Variants in BCAS3 observed in about 807,000 individuals in gnomAD.
BCAS3 encodes BCAS3 microtubule associated cell migration factor.
A neutral mutation model predicts 116.1 loss-of-function variants in BCAS3; 53 were observed. That is an observed-to-expected ratio of 0.46 (90% CI 0.37 to 0.57). The LOEUF is 0.57. Among genes scored for constraint, BCAS3 ranks in the 20% least tolerant of loss-of-function variants. The pLI is 0.00. For synonymous variants in BCAS3, 391 were observed against 408.2 expected (o/e 0.96, Z 0.51); for missense variants, 917 against 1,165.4 (o/e 0.79, Z 3.10).
At chr17:60,866,132 ATTT>A (rs1406930410) in intron 7 of BCAS3, among the ~76,000 whole-genome samples, 2 of 142,650 alleles carry the variant, frequency 1.4e-5, no homozygotes, top group Non-Finnish European at 1.5e-5. Context: ...TTATTTGCTA[ATTT>A]TTTTTTTTTT....
intron 5 of BCAS3, among the ~76,000 whole-genome samples, chr17:60,719,511 T>C (rs971955158): frequency 2.0e-5 from 3 of 152,254 alleles, no homozygotes; most frequent in African/African-American, 7.2e-5. Context: ...TATTATTTTA[T>C]TTCACACAAA....
rs2064859424 is a variant in BCAS3, at chr17:61,008,272, G to A, written c.1487-7479G>A. 6.6e-6 allele frequency among the ~76,000 whole-genome samples: 1 copy of A among 152,014 alleles called. No individual in the cohort carries two copies. The highest frequency in any genetic ancestry group is 6.6e-5 in the Admixed American group (1 of 15,242). On this transcript the variant is annotated intron_variant, in intron 15 of 23. Transcript: ENST00000407086. This position sits in a 1 kb window ranked among gnomAD's most constrained non-coding sequence, Gnocchi z 4.6. The stretch of plus-strand genomic sequence containing the variant: ...GGAGGGTGAAAGTCCTGGAACTGCA[G>A]CTGGGAAGCTTGACATTCTCATCTA...
At position 61,028,553 on chromosome 17, in the gene BCAS3, A is replaced by G. The variant is rs1416314591; in HGVS notation, c.1638-6113A>G. Among the ~76,000 whole-genome samples the G allele has an allele frequency of 1.3e-5, 2 of 151,928 alleles. No individual in the cohort carries two copies. Among genetic ancestry groups the G allele is most frequent in the Non-Finnish European group, 2.9e-5 (2 of 67,836 alleles). ...TAAGTACAAAGCAAAGAGTTGTAGT[A>G]TGTTAATAAAGATTGAAGTTTTGCA... On this transcript the variant is annotated intron_variant, in intron 16 of 23. Transcript: ENST00000407086. This position sits in a 1 kb window ranked among gnomAD's most constrained non-coding sequence, Gnocchi z 4.3.
intron 22 of BCAS3, among the ~76,000 whole-genome samples, chr17:61,149,378 GT>G (rs2077420697): frequency 1.3e-5 from 2 of 151,996 alleles, no homozygotes; most frequent in South Asian, 4.1e-4. Context: ...TGCTTGTTCA[GT>G]TATATATTTT....
intron 22 of BCAS3, among the ~76,000 whole-genome samples, chr17:61,092,007 T>C (rs149558620): frequency 6.6e-6 from 1 of 152,348 alleles, no homozygotes; most frequent in African/African-American, 2.4e-5. Flanking sequence ...AGAAAGTTTC[T>C]TATGCCCCTT....
At chr17:60,840,733 G>C (rs1206303972) in intron 7 of BCAS3, among the ~76,000 whole-genome samples, 1 of 152,172 alleles carries the variant, frequency 6.6e-6, no homozygotes. Flanking sequence ...AGATTCCTAA[G>C]TTATGGGTTG....
At chr17:61,372,436 A>T (rs1283398386) in intron 23 of BCAS3, among the ~76,000 whole-genome samples, 1 of 152,138 alleles carries the variant, frequency 6.6e-6, no homozygotes, top group Non-Finnish European at 1.5e-5. Flanking sequence ...CCATAAACTG[A>T]TGATTTCCAA....
intron 22 of BCAS3, among the ~76,000 whole-genome samples, chr17:61,274,347 G>A (rs547108011): frequency 7.2e-6 from 1 of 139,444 alleles, no homozygotes; most frequent in East Asian, 2.1e-4. Context: ...GGAGTGCAGT[G>A]GCACAATCTC....
chr17:60,982,847 AG>A (rs1249783603), intron 14 of BCAS3, among the ~76,000 whole-genome samples: 2 of 152,168 alleles, frequency 1.3e-5, no homozygotes, highest in Non-Finnish European at 2.9e-5. Flanking sequence ...GGTCCTTTAC[AG>A]AAAAAGTTTA....
intron 22 of BCAS3, among the ~76,000 whole-genome samples, chr17:61,187,208 T>C (rs1235589090): frequency 2.0e-5 from 3 of 152,238 alleles, no homozygotes; most frequent in Admixed American, 2.0e-4. Flanking sequence ...GACATCAAGA[T>C]AGACCCTTCA....
At chr17:60,703,879 A>T (rs1224066773) in intron 4 of BCAS3, among the ~76,000 whole-genome samples, 1 of 149,944 alleles carries the variant, frequency 6.7e-6, no homozygotes, top group Admixed American at 6.7e-5. Context: ...ATGCCGCTGC[A>T]CTCCAGCCGC....
At position 61,329,337 on chromosome 17, in the gene BCAS3, A is replaced by ATT. The variant is rs199782162; in HGVS notation, c.2426-38989_2426-38988dup. Among the ~76,000 whole-genome samples the ATT allele has an allele frequency of 8.8e-4, 94 of 106,268 alleles. 1 individual carries two copies. The highest frequency in any genetic ancestry group is 4.8e-3 in the Middle Eastern group (1 of 208). 69.7% of individuals were successfully genotyped at this position (106,268 alleles called of 152,430 possible). On this transcript the variant is annotated intron_variant, in intron 22 of 23. Transcript: ENST00000407086. Reference sequence around the variant, plus strand: ...ACATCCAGGCCATGTTATTATTATTATTATTATTTTTTTTTTTTTTTGAGA... The same window carrying ATT: ...ACATCCAGGCCATGTTATTATTATTATTTTATTATTTTTTTTTTTTTTTGAGA...
intron 7 of BCAS3, among the ~76,000 whole-genome samples, chr17:60,816,564 C>T (rs773422050): frequency 5.9e-5 from 9 of 152,122 alleles, no homozygotes; most frequent in Admixed American, 2.0e-4. Flanking sequence ...TGCACTACCG[C>T]GGCTGGCCAG....
chr17:61,385,159 G>C (rs1221335659), intron 23 of BCAS3, among the ~76,000 whole-genome samples: 1 of 152,232 alleles, frequency 6.6e-6, no homozygotes, highest in East Asian at 1.9e-4. Flanking sequence ...CGCTCTGGAA[G>C]AGACAGCAGT....
rs2144787066 is a variant in BCAS3, at chr17:61,313,301, T to C, written c.2426-55026T>C. On this transcript the variant is annotated intron_variant, in intron 22 of 23. Transcript: ENST00000407086. The surrounding 1 kb of genome is among the most constrained non-coding windows in gnomAD (Gnocchi z 4.3). ...CACGATTACACCACCATGATTCTACTCCAAAGACTGTCTTCCCTCCACCAT... is the reference window on the plus strand; with the variant it reads ...CACGATTACACCACCATGATTCTACCCCAAAGACTGTCTTCCCTCCACCAT... Among the ~76,000 whole-genome samples, 1 of 152,306 alleles carries C rather than the reference T, an allele frequency of 6.6e-6. No individual in the cohort carries two copies. The highest frequency in any genetic ancestry group is 2.4e-5 in the African/African-American group (1 of 41,566).
Position 61,341,229 on chromosome 17 carries a change from G to T in BCAS3, c.2426-27098G>T, listed in dbSNP as rs552454253. On this transcript the variant is annotated intron_variant, in intron 22 of 23. Coordinates refer to ENST00000407086, the MANE Select transcript of BCAS3 (RefSeq NM_017679.5). Reference sequence around the variant, plus strand: ...TCTTACAACACAGTCAAAGTTGGGGGTTTTATGAAAGAAAGAAAAGTCTGC... The same window carrying T: ...TCTTACAACACAGTCAAAGTTGGGGTTTTTATGAAAGAAAGAAAAGTCTGC... Among the ~76,000 whole-genome samples, 3 of 152,234 alleles carry T rather than the reference G, an allele frequency of 2.0e-5. No homozygotes were observed. In the East Asian group the frequency reaches 5.8e-4, roughly 29 times the overall value.
Position 61,118,165 on chromosome 17 carries a change from G to T in BCAS3, c.2425+33601G>T, listed in dbSNP as rs1351849829. Among the ~76,000 whole-genome samples the T allele has an allele frequency of 6.6e-6, 1 of 152,066 alleles. No homozygotes were observed. Among genetic ancestry groups the T allele is most frequent in the Non-Finnish European group, 1.5e-5 (1 of 68,010 alleles). ...AGGGGCTTTCTCTGGTATCACAATG[G>T]CAGGGGAAGTAGGATGTTCTACCTC... is the stretch of plus-strand genomic sequence containing the variant. On this transcript the variant is annotated intron_variant, in intron 22 of 23. Coordinates refer to ENST00000407086, the MANE Select transcript of BCAS3 (RefSeq NM_017679.5). This position sits in a 1 kb window ranked among gnomAD's most constrained non-coding sequence, Gnocchi z 5.0.
rs150719491 is a variant in BCAS3, at chr17:60,997,908, G to A, written c.1486+7673G>A. ...TGCAGATTCGTTACATGGGTATATT[G>A]CATGATGCTGAGGTTGGACTTCCAT... On this transcript the variant is annotated intron_variant, in intron 15 of 23. Coordinates refer to ENST00000407086, the MANE Select transcript of BCAS3 (RefSeq NM_017679.5). 2.1e-3 allele frequency among the ~76,000 whole-genome samples: 319 copies of A among 152,232 alleles called. 1 individual carries two copies. The highest frequency in any genetic ancestry group is 6.6e-3 in the African/African-American group (275 of 41,530).
chr17:60,884,817 T>C (rs2056493131), intron 9 of BCAS3, among the ~76,000 whole-genome samples: 1 of 138,164 alleles, frequency 7.2e-6, no homozygotes, highest in South Asian at 2.3e-4. Context: ...GATAGTTTGT[T>C]ATAATTTCTG....
Sources: allele counts gnomAD v4.1 joint callset (sites outside exome capture counted in the v4.1 genomes callset), GRCh38; gene constraint gnomAD v4.1.1; non-coding constraint Gnocchi (gnomAD v3.1); transcripts MANE v1.5; gene names NCBI Gene and HGNC (gene_info 2026-07-23, HGNC 2026-07-21).